Variants in LTBP1 observed in about 807,000 individuals in gnomAD.
LTBP1 encodes the protein latent-transforming growth factor beta-binding protein 1.
A neutral mutation model predicts 207.6 loss-of-function variants in LTBP1; 129 were observed. That is an observed-to-expected ratio of 0.62 (90% CI 0.54 to 0.72). LTBP1 has a LOEUF of 0.72. Ranked by LOEUF, LTBP1 falls within the 30% of genes least tolerant of loss-of-function variation. The pLI is 0.00. For synonymous variants in LTBP1, 963 were observed against 833.7 expected, an observed-to-expected ratio of 1.16 and a Z score of -2.67; for missense variants, 2,281 against 2,217.2, an observed-to-expected ratio of 1.03 and a Z score of -0.58.
intron 4 of LTBP1, among the ~76,000 whole-genome samples, chr2:33,125,943 G>C (rs1423987939): frequency 6.6e-6 from 1 of 152,142 alleles, no homozygotes; most frequent in African/African-American, 2.4e-5. Flanking sequence ...TTCTGGCTCA[G>C]TTTCTTTCAT....
intron 5 of LTBP1, among the ~76,000 whole-genome samples, chr2:33,184,714 C>G (rs10167324): frequency 6.6e-6 from 1 of 151,032 alleles, no homozygotes; most frequent in Non-Finnish European, 1.5e-5. Context: ...ATCTTCTATA[C>G]CATGAGGAAT....
chr2:33,357,241 GC>G (rs1480930156), intron 26 of LTBP1, among the ~76,000 whole-genome samples: 1 of 152,144 alleles, frequency 6.6e-6, no homozygotes, highest in East Asian at 1.9e-4. Flanking sequence ...CCCAGACAGG[GC>G]TTGGTATAGG....
At chr2:33,071,526 T>C (rs922037972) in intron 3 of LTBP1, among the ~76,000 whole-genome samples, 3 of 152,160 alleles carry the variant, frequency 2.0e-5, no homozygotes, top group South Asian at 4.1e-4. Context: ...AGGAGGTGGC[T>C]GCAGAATGGA....
In LTBP1 at chr2:32,947,298, G is replaced by C. The variant is rs1232534525; in HGVS notation, c.-27G>C. On this transcript the variant is annotated 5_prime_UTR_variant, in exon 1 of 34. Transcript: ENST00000404816. ...CGGGGGAGGGGGCCGGACCGCGCGC[G>C]ACCGGTCGCGCCCGCTGGGGCCCGC... 17 of 1,216,390 alleles carry C rather than the reference G, an allele frequency of 1.4e-5. No individual in the cohort carries two copies. The highest frequency in any genetic ancestry group is 1.4e-5 in the Non-Finnish European group (14 of 977,930). The allele number at this position is 1,216,390 out of a possible 1,614,324, so 75.3% of individuals were successfully genotyped here.
chr2:33,230,941 A>G (rs2091750695), intron 9 of LTBP1, among the ~76,000 whole-genome samples: 1 of 151,496 alleles, frequency 6.6e-6, no homozygotes, highest in Non-Finnish European at 1.5e-5. Context: ...GAATGTAATT[A>G]AAAGACATCT....
At chr2:32,948,335 G>T (rs1676587092) in intron 1 of LTBP1, among the ~76,000 whole-genome samples, 2 of 152,182 alleles carry the variant, frequency 1.3e-5, no homozygotes, top group Non-Finnish European at 2.9e-5. Flanking sequence ...TTCCTGGGGT[G>T]GGGTGTCTTG....
intron 24 of LTBP1, among the ~76,000 whole-genome samples, chr2:33,319,037 CTGCAGTGAGCTATGGT>C (rs960349878): frequency 6.6e-6 from 1 of 152,152 alleles, no homozygotes; most frequent in Non-Finnish European, 1.5e-5. Context: ...GAGTTCAAGG[CTGCAGTGAGCTATGGT>C]TGCACCACTG....
chr2:33,059,282 T>G (rs2077153952), intron 3 of LTBP1, among the ~76,000 whole-genome samples: 1 of 152,194 alleles, frequency 6.6e-6, no homozygotes, highest in Non-Finnish European at 1.5e-5. Context: ...GATGATGATT[T>G]AAATTAGTTT....
At chr2:33,032,350 A>G (rs939655564) in intron 3 of LTBP1, among the ~76,000 whole-genome samples, 3 of 152,186 alleles carry the variant, frequency 2.0e-5, no homozygotes, top group Non-Finnish European at 2.9e-5. Context: ...CAAATGTTCA[A>G]GAGTTTTCTA....
intron 28 of LTBP1, 35 bp from the exon 29 acceptor site, chr2:33,363,355 C>T: frequency 6.2e-7 from 1 of 1,610,450 alleles, no homozygotes; most frequent in Non-Finnish European, 8.5e-7. Context: ...TCAAACCTAA[C>T]TCCTTTTTGT....
At chr2:33,263,067 T>G (rs1232182065) in intron 14 of LTBP1, among the ~76,000 whole-genome samples, 1 of 152,124 alleles carries the variant, frequency 6.6e-6, no homozygotes, top group Non-Finnish European at 1.5e-5. Context: ...ATTCAGACAT[T>G]ATTGAAGGTT....
At chr2:33,105,201 C>G (rs2079989396) in intron 3 of LTBP1, among the ~76,000 whole-genome samples, 1 of 152,078 alleles carries the variant, frequency 6.6e-6, no homozygotes, top group Non-Finnish European at 1.5e-5. Flanking sequence ...CAGACCATCC[C>G]AAGAAAGTGA....
chr2:33,015,518 A>G (rs780082493), intron 2 of LTBP1, among the ~76,000 whole-genome samples: 1 of 152,010 alleles, frequency 6.6e-6, no homozygotes, highest in African/African-American at 2.4e-5. Flanking sequence ...AACTGACCTC[A>G]CAGCTTATAA....
chr2:33,360,379 A>G (rs1182256728), intron 26 of LTBP1, among the ~76,000 whole-genome samples: 1 of 152,226 alleles, frequency 6.6e-6, no homozygotes, highest in Non-Finnish European at 1.5e-5. Flanking sequence ...GTTTTGACAG[A>G]TTTACACTCT....
chr2:33,031,836 T>C (rs1259375355), intron 3 of LTBP1, among the ~76,000 whole-genome samples: 1 of 151,976 alleles, frequency 6.6e-6, no homozygotes, highest in African/African-American at 2.4e-5. Flanking sequence ...CCGAGGAATA[T>C]GAAGATGGCT....
chr2:33,355,333 A>G lies in LTBP1; in HGVS notation c.4001-5264A>G, dbSNP rs528958476. The stretch of plus-strand genomic sequence containing the variant: ...TAGTTCCAGGGCCCCCACTGATACC[A>G]AAATCCACAGATGCTCAAGTCCCTG... On this transcript the variant is annotated intron_variant, in intron 26 of 33. Transcript: ENST00000404816. 3.2e-4 allele frequency among the ~76,000 whole-genome samples: 48 copies of G among 152,222 alleles called. 1 individual carries two copies. The East Asian group carries it at 8.7e-3, about 28-fold the overall frequency.
At chr2:33,330,901 G>C (rs556032782) in intron 24 of LTBP1, among the ~76,000 whole-genome samples, 3 of 149,036 alleles carry the variant, frequency 2.0e-5, no homozygotes, top group Non-Finnish European at 4.4e-5. Flanking sequence ...TTGTTTTTGT[G>C]CCTATGCATT....
intron 3 of LTBP1, among the ~76,000 whole-genome samples, chr2:33,077,732 A>G (rs1448319116): frequency 6.6e-6 from 1 of 152,162 alleles, no homozygotes; most frequent in Non-Finnish European, 1.5e-5. Flanking sequence ...ATCAAAACGC[A>G]TTGTTGTTTT....
intron 32 of LTBP1, among the ~76,000 whole-genome samples, chr2:33,390,431 C>T (rs1157462668): frequency 1.3e-5 from 2 of 152,022 alleles, no homozygotes; most frequent in African/African-American, 4.8e-5. Flanking sequence ...GGAAAACGCC[C>T]ATTTTGAGAG....
Sources: gnomAD v4.1 joint callset for allele counts (sites outside exome capture counted in the v4.1 genomes callset) on GRCh38, gnomAD v4.1.1 for gene constraint, MANE v1.5 for transcripts, NCBI Gene and HGNC (gene_info 2026-07-23, HGNC 2026-07-21) for gene names.